Variants in SIPA1L1 observed in about 807,000 individuals in gnomAD.
SIPA1L1 encodes the protein signal induced proliferation associated 1 like 1.
Under a neutral mutation model 162.7 loss-of-function variants are expected in SIPA1L1, and 26 were observed. That is an observed-to-expected ratio of 0.16 (90% CI 0.12 to 0.22). SIPA1L1 has a LOEUF of 0.22. Among genes scored for constraint, SIPA1L1 ranks in the 10% least tolerant of loss-of-function variants. The pLI, the probability that SIPA1L1 is intolerant of heterozygous loss-of-function variation, is 1.00. For missense variants in SIPA1L1, 1,874 were observed against 2,241.0 expected (o/e 0.84, Z 3.31); for synonymous variants, 829 against 837.4 (o/e 0.99, Z 0.17).
intron 2 of SIPA1L1, among the ~76,000 whole-genome samples, chr14:71,401,974 T>C (rs908999366): frequency 2.6e-5 from 4 of 152,190 alleles, no homozygotes; most frequent in African/African-American, 4.8e-5. Flanking sequence ...ATTACAATTA[T>C]TGTAAATAAT....
chr14:71,624,006 C>T, intron 6 of SIPA1L1, 42 bp from the exon 7 acceptor site: 1 of 1,524,786 alleles, frequency 6.6e-7, no homozygotes, highest in Non-Finnish European at 8.9e-7. Context: ...TCAGGCATCT[C>T]ACATCCCAGA....
At chr14:71,462,604 A>G (rs1193156917) in intron 2 of SIPA1L1, among the ~76,000 whole-genome samples, 1 of 152,220 alleles carries the variant, frequency 6.6e-6, no homozygotes, top group African/African-American at 2.4e-5. Context: ...CAGGCCCCAT[A>G]CCACTGGATC....
intron 7 of SIPA1L1, among the ~76,000 whole-genome samples, chr14:71,637,954 C>T (rs1383360802): frequency 1.3e-5 from 2 of 152,054 alleles, no homozygotes; most frequent in Non-Finnish European, 2.9e-5. Context: ...TGAATACATA[C>T]AATTTTGACA....
intron 2 of SIPA1L1, among the ~76,000 whole-genome samples, chr14:71,367,364 T>TA (rs2038405987): frequency 6.6e-6 from 1 of 150,684 alleles, no homozygotes; most frequent in Non-Finnish European, 1.5e-5. Flanking sequence ...TGGAGTGCAG[T>TA]GGCGCGATCT....
chr14:71,487,242 T>G (rs2048843254), intron 2 of SIPA1L1, among the ~76,000 whole-genome samples: 1 of 152,132 alleles, frequency 6.6e-6, no homozygotes, highest in African/African-American at 2.4e-5. Context: ...TTCTGACTGG[T>G]TTAGTGGCTC....
At chr14:71,351,132 G>T (rs2036661702) in intron 2 of SIPA1L1, among the ~76,000 whole-genome samples, 1 of 152,190 alleles carries the variant, frequency 6.6e-6, no homozygotes, top group Admixed American at 6.5e-5. Flanking sequence ...GGTTGTAGGG[G>T]TTGTGGGGGC....
At chr14:71,500,807 C>G (rs552473666) in intron 2 of SIPA1L1, among the ~76,000 whole-genome samples, 1 of 150,902 alleles carries the variant, frequency 6.6e-6, no homozygotes, top group East Asian at 2.0e-4. Context: ...GGGAGTTTGA[C>G]ACCAGCCTGA....
intron 2 of SIPA1L1, among the ~76,000 whole-genome samples, chr14:71,420,522 A>G (rs910490578): frequency 6.6e-6 from 1 of 152,210 alleles, no homozygotes; most frequent in Admixed American, 6.5e-5. Flanking sequence ...ATCAAAGTAA[A>G]AATCACCTAA....
At chr14:71,582,792 T>G (rs1040311634) in intron 4 of SIPA1L1, among the ~76,000 whole-genome samples, 2 of 151,428 alleles carry the variant, frequency 1.3e-5, no homozygotes, top group Non-Finnish European at 1.5e-5. Context: ...TCTTCCTGCT[T>G]TTTGTTGAAG....
chr14:71,726,279 TTTCC>T (rs1364499591), intron 19 of SIPA1L1, among the ~76,000 whole-genome samples: 2 of 152,220 alleles, frequency 1.3e-5, no homozygotes, highest in African/African-American at 4.8e-5. Context: ...GCACAAATGG[TTTCC>T]TTAGCAACCT....
At chr14:71,467,796 G>A (rs1362666913) in intron 2 of SIPA1L1, among the ~76,000 whole-genome samples, 2 of 149,898 alleles carry the variant, frequency 1.3e-5, no homozygotes, top group Non-Finnish European at 1.5e-5. Flanking sequence ...TGGGAGGATT[G>A]CTTGAGGCCA....
chr14:71,494,076 C>G (rs1033569968), intron 2 of SIPA1L1, among the ~76,000 whole-genome samples: 4 of 152,166 alleles, frequency 2.6e-5, no homozygotes, highest in Admixed American at 6.5e-5. Flanking sequence ...AGTTTTACAC[C>G]TTCTTGTCCT....
chr14:71,525,759 T>C (rs2052801557), intron 3 of SIPA1L1, among the ~76,000 whole-genome samples: 1 of 152,208 alleles, frequency 6.6e-6, no homozygotes, highest in Admixed American at 6.5e-5. Flanking sequence ...TTTTAAATTG[T>C]CGTTATTTTT....
intron 2 of SIPA1L1, among the ~76,000 whole-genome samples, chr14:71,465,440 T>G (rs1204111644): frequency 6.6e-6 from 1 of 152,218 alleles, no homozygotes; most frequent in Non-Finnish European, 1.5e-5. Context: ...CCAACCAGCT[T>G]CATTATGTTC....
At chr14:71,447,506 A>T (rs1386665858) in intron 2 of SIPA1L1, among the ~76,000 whole-genome samples, 1 of 151,222 alleles carries the variant, frequency 6.6e-6, no homozygotes. Flanking sequence ...GTCACTAGGT[A>T]GTGGATACTT....
chr14:71,521,408 G>C (rs572790642), intron 3 of SIPA1L1, among the ~76,000 whole-genome samples: 1 of 152,250 alleles, frequency 6.6e-6, no homozygotes. Flanking sequence ...AGGCCTATTT[G>C]TTCAGCTGCT....
At chr14:71,735,644 C>A in intron 22 of SIPA1L1, 1 of 375,530 alleles carries the variant, frequency 2.7e-6, no homozygotes, top group Non-Finnish European at 4.9e-6. Context: ...CATTTATGCC[C>A]TCAGGGCCAG....
chr14:71,571,997 C>T (rs1271228899), intron 4 of SIPA1L1, among the ~76,000 whole-genome samples: 3 of 152,068 alleles, frequency 2.0e-5, no homozygotes, highest in Non-Finnish European at 2.9e-5. Flanking sequence ...CAGATGGAGG[C>T]TGAGATGTCC....
chr14:71,410,777 A>G (rs1008024741), intron 2 of SIPA1L1, among the ~76,000 whole-genome samples: 3 of 152,326 alleles, frequency 2.0e-5, no homozygotes, highest in Admixed American at 2.0e-4. Flanking sequence ...AAGGTTAGCT[A>G]TAGGGAGAAG....
Sources: gnomAD v4.1 joint callset for allele counts (sites outside exome capture counted in the v4.1 genomes callset) on GRCh38, gnomAD v4.1.1 for gene constraint, MANE v1.5 for transcripts, NCBI Gene and HGNC (gene_info 2026-07-23, HGNC 2026-07-21) for gene names.